SPATA17: variants seen among roughly 807,000 people sequenced by gnomAD.
SPATA17 encodes spermatogenesis-associated protein 17.
A neutral mutation model predicts 62.2 loss-of-function variants in SPATA17; 53 were observed. That is an observed-to-expected ratio of 0.85 (90% CI 0.68 to 1.07). SPATA17 has a LOEUF of 1.07. SPATA17 is among the 50% of genes least tolerant of loss of function. The pLI is 0.00. For synonymous variants in SPATA17, 146 were observed against 146.8 expected (o/e 0.99, Z 0.04); for missense variants, 466 against 425.5 (o/e 1.10, Z -0.84).
intron 5 of SPATA17, among the ~76,000 whole-genome samples, chr1:217,706,855 CCTTTCTTTCTTT>C (rs1166155047): frequency 6.7e-6 from 1 of 149,158 alleles, no homozygotes; most frequent in South Asian, 2.1e-4. Context: ...TTTCTTTCTT[CCTTTCTTTCTTT>C]CTTTCTTTTT....
intron 7 of SPATA17, among the ~76,000 whole-genome samples, chr1:217,777,385 C>T (rs1485579683): frequency 1.3e-5 from 2 of 151,994 alleles, no homozygotes; most frequent in Non-Finnish European, 1.5e-5. Flanking sequence ...GATTCAGTTC[C>T]TGTGATATTC....
At position 217,669,044 on chromosome 1, in the gene SPATA17, T is replaced by C. The variant is rs1485820113; in HGVS notation, c.252T>C (p.Tyr84=). The change falls in exon 4 of 11, where the codon TAT becomes TAC. Residue 84 remains tyrosine, a synonymous_variant. Transcript: ENST00000366933. ...TTCTTGATTCACAGGTAGCATATTATACTATGATGATGAATCTCTACAATG... is the reference window on the plus strand; with the variant it reads ...TTCTTGATTCACAGGTAGCATATTACACTATGATGATGAATCTCTACAATG... The part of the protein sequence containing the change: ...QYQLTVQVAY[Y]TMMMNLYNAM... The C allele has an allele frequency of 6.2e-7, 1 of 1,611,972 alleles. No individual in the cohort carries two copies. Among genetic ancestry groups the C allele is most frequent in the East Asian group, 2.2e-5 (1 of 44,712 alleles).
chr1:217,734,725 C>T (rs574816480), intron 5 of SPATA17, among the ~76,000 whole-genome samples: 14 of 152,122 alleles, frequency 9.2e-5, no homozygotes, highest in East Asian at 3.9e-4. Context: ...GTGTTTTTAA[C>T]GCAGTCTGGA....
chr1:217,805,362 A>C (rs907230371), intron 9 of SPATA17, among the ~76,000 whole-genome samples: 1 of 152,184 alleles, frequency 6.6e-6, no homozygotes, highest in Non-Finnish European at 1.5e-5. Flanking sequence ...AATGGTGGTT[A>C]CTAGGAACTT....
intron 4 of SPATA17, among the ~76,000 whole-genome samples, chr1:217,680,935 A>AG: frequency 6.8e-6 from 1 of 147,710 alleles, no homozygotes; most frequent in South Asian, 2.2e-4. Flanking sequence ...AAAAAAAAAA[A>AG]AAAAAAAAAA....
intron 3 of SPATA17, among the ~76,000 whole-genome samples, chr1:217,654,368 G>GCCTGCC (rs547621866): frequency 0.011 from 1,679 of 152,036 alleles, 20 homozygotes; most frequent in Non-Finnish European, 0.018. Flanking sequence ...TCCAACTCCT[G>GCCTGCC]CCTGCCTCTG....
At chr1:217,809,297 C>T (rs1674522732) in intron 9 of SPATA17, among the ~76,000 whole-genome samples, 1 of 152,026 alleles carries the variant, frequency 6.6e-6, no homozygotes, top group Admixed American at 6.5e-5. Context: ...AGTCATTTAG[C>T]CTAGTTCACC....
At position 217,774,546 on chromosome 1, in the gene SPATA17, T is replaced by C. The variant is rs1673542458; in HGVS notation, c.723+9T>C. Reference sequence around the variant, plus strand: ...ATAGAAAGCAATGTCAGGTACTAGTTTGCTGTATAAGAATTCTGTCATTAA... The same window carrying C: ...ATAGAAAGCAATGTCAGGTACTAGTCTGCTGTATAAGAATTCTGTCATTAA... On this transcript the variant is annotated intron_variant, in intron 7 of 10. Coordinates refer to ENST00000366933, the MANE Select transcript of SPATA17 (RefSeq NM_138796.4). 1.2e-6 allele frequency: 2 copies of C among 1,610,556 alleles called. No individual in the cohort carries two copies. Among genetic ancestry groups the C allele is most frequent in the Non-Finnish European group, 1.7e-6 (2 of 1,177,524 alleles).
chr1:217,712,128 C>CT (rs551988828), intron 5 of SPATA17, among the ~76,000 whole-genome samples: 32,917 of 133,804 alleles, frequency 0.25, 5,911 homozygotes, highest in Non-Finnish European at 0.36. Context: ...ACAATATGTT[C>CT]TTTTGTTTTT....
intron 3 of SPATA17, among the ~76,000 whole-genome samples, chr1:217,661,136 A>C (rs1670559294): frequency 6.6e-6 from 1 of 152,160 alleles, no homozygotes; most frequent in South Asian, 2.1e-4. Context: ...ATAAGATGAC[A>C]GGATTTTCTA....
At chr1:217,703,623 A>G (rs1022208966) in intron 5 of SPATA17, among the ~76,000 whole-genome samples, 2 of 152,194 alleles carry the variant, frequency 1.3e-5, no homozygotes, top group Non-Finnish European at 2.9e-5. Flanking sequence ...CTAAGAATTT[A>G]AAAAATATGG....
chr1:217,863,992 C>G (rs1675950655), intron 10 of SPATA17, among the ~76,000 whole-genome samples: 1 of 152,180 alleles, frequency 6.6e-6, no homozygotes, highest in Non-Finnish European at 1.5e-5. Context: ...CCTCTCTCCC[C>G]ACTGAGTGCT....
At chr1:217,649,653 T>C (rs1670261895) in intron 2 of SPATA17, among the ~76,000 whole-genome samples, 1 of 150,892 alleles carries the variant, frequency 6.6e-6, no homozygotes. Flanking sequence ...TGTTGGTAGA[T>C]AAAATAAAAT....
intron 9 of SPATA17, among the ~76,000 whole-genome samples, chr1:217,839,501 T>C (rs1370701322): frequency 6.6e-6 from 1 of 152,098 alleles, no homozygotes; most frequent in Non-Finnish European, 1.5e-5. Context: ...TTTCTGTAAT[T>C]GGTTTTTTCC....
At chr1:217,636,852 G>C (rs1353733448) in intron 1 of SPATA17, among the ~76,000 whole-genome samples, 2 of 152,116 alleles carry the variant, frequency 1.3e-5, no homozygotes, top group Admixed American at 1.3e-4. Context: ...AATCAAATCT[G>C]CTTGTGTCAA....
Position 217,664,289 on chromosome 1 carries a change from C to CT in SPATA17, c.241-4723dup, listed in dbSNP as rs34166363. Among the ~76,000 whole-genome samples the CT allele has an allele frequency of 9.4e-3, 714 of 75,716 alleles. 15 individuals are homozygous for CT. The highest frequency in any genetic ancestry group is 0.023 in the African/African-American group (403 of 17,504). 49.7% of individuals were successfully genotyped at this position (75,716 alleles called of 152,430 possible). ...AGACTTTAACCTAGGTGTTAAAAAT[C>CT]TTTTTTTTTTTTTTTTTTTTTGAGA... On this transcript the variant is annotated intron_variant, in intron 3 of 10. Coordinates refer to ENST00000366933, the MANE Select transcript of SPATA17 (RefSeq NM_138796.4).
At chr1:217,838,142 T>C (rs1418202753) in intron 9 of SPATA17, among the ~76,000 whole-genome samples, 1 of 152,152 alleles carries the variant, frequency 6.6e-6, no homozygotes, top group African/African-American at 2.4e-5. Context: ...TGTTTCTTGT[T>C]ACTATTTTTA....
chr1:217,866,319 A>C (rs946265861), intron 10 of SPATA17, among the ~76,000 whole-genome samples: 2 of 152,234 alleles, frequency 1.3e-5, no homozygotes, highest in African/African-American at 4.8e-5. Context: ...TTGACTAAAA[A>C]TATTATAACC....
chr1:217,819,612 AG>A (rs1674811325), intron 9 of SPATA17, among the ~76,000 whole-genome samples: 1 of 152,034 alleles, frequency 6.6e-6, no homozygotes, highest in East Asian at 1.9e-4. Flanking sequence ...ACCTTTAGTA[AG>A]CTTTCTCTCC....
Sources: gnomAD v4.1 joint callset for allele counts (sites outside exome capture counted in the v4.1 genomes callset) on GRCh38, gnomAD v4.1.1 for gene constraint, MANE v1.5 for transcripts, NCBI Gene and HGNC (gene_info 2026-07-23, HGNC 2026-07-21) for gene names.